The following TRIM68 variants were observed in gnomAD, a reference collection of about 807,000 sequenced individuals.
The protein encoded by TRIM68 is tripartite motif containing 68.
TRIM68 carries 36 observed loss-of-function variants against 41.9 expected under a neutral mutation model. The ratio of observed to expected loss-of-function variants is 0.86; its 90% CI spans 0.66 to 1.14. TRIM68 has a LOEUF of 1.14. Ranked by LOEUF, TRIM68 falls within the 50% of genes most tolerant of loss-of-function variation. TRIM68 has a pLI of 0.00. For missense variants in TRIM68, 632 were observed against 605.1 expected, an observed-to-expected ratio of 1.04 and a Z score of -0.47; for synonymous variants, 225 against 224.6, an observed-to-expected ratio of 1.00 and a Z score of -0.02.
At chr11:4,607,809 G>C (rs1243822011) in intron 1 of TRIM68, among the ~76,000 whole-genome samples, 1 of 152,228 alleles carries the variant, frequency 6.6e-6, no homozygotes, top group Non-Finnish European at 1.5e-5. Context: ...TACAGCGAGA[G>C]TCTGAGAAGG....
At chr11:4,603,620 T>C (rs760882064) in intron 2 of TRIM68, among the ~76,000 whole-genome samples, 3 of 152,232 alleles carry the variant, frequency 2.0e-5, no homozygotes, top group Non-Finnish European at 4.4e-5. Flanking sequence ...TTCCTTTCCA[T>C]GCCAATTTTT....
rs528432128 is a variant in TRIM68, at chr11:4,603,276, A to G, written c.491T>C (p.Val164Ala). 20 of 1,614,168 alleles carry G rather than the reference A, an allele frequency of 1.2e-5. No individual in the cohort carries two copies. The Admixed American group carries it at 3.3e-4, about 27-fold the overall frequency. ...GGTGGCAGTTCGTTTCCTTTCACCA[A>G]CTTCAAGCTTCCAGGCCTCTTCTTG... ...KEQEEAWKLE[V>A]GERKRTATWK... Residue 164 changes from valine to alanine, a missense_variant, in exon 3 of 7, where the codon GTT (valine) becomes GCT (alanine). Val to Ala is a moderately conservative substitution (Grantham distance 64). Coordinates refer to ENST00000300747, the MANE Select transcript of TRIM68 (RefSeq NM_018073.8).
chr11:4,600,839 G>A lies in TRIM68; in HGVS notation c.908-13C>T, dbSNP rs773006309. ...AAGCGCACATCAGCTAGAAGAAAAG[G>A]TCCTGGTTGGTAACAGTGATATAGG... On this transcript the variant is annotated splice_polypyrimidine_tract_variant and intron_variant, in intron 6 of 6. Transcript: ENST00000300747. 11 of 1,606,582 alleles carry A rather than the reference G, an allele frequency of 6.8e-6. No homozygotes were observed. The South Asian group carries it at 1.2e-4, about 18-fold the overall frequency.
At position 4,602,229 on chromosome 11, in the gene TRIM68, G is replaced by A. The variant is rs1846501682; in HGVS notation, c.706C>T (p.Gln236Ter). Residue 236 changes from glutamine to a stop codon, truncating the protein, a stop_gained, in exon 4 of 7, where the codon CAG becomes TAG. Coordinates refer to ENST00000300747, the MANE Select transcript of TRIM68 (RefSeq NM_018073.8). LOFTEE classifies it high-confidence loss of function. ...ATCCTCCACAGGACCTGGCTCTGCTGGATGAGCTCGCTATGGTTCAACTCC... is the reference window on the plus strand; with the variant it reads ...ATCCTCCACAGGACCTGGCTCTGCTAGATGAGCTCGCTATGGTTCAACTCC... ...KLELNHSELI[Q>*]QSQVLWRMIA... 1.2e-6 allele frequency: 2 copies of A among 1,614,198 alleles called. No homozygotes were observed. Among genetic ancestry groups the A allele is most frequent in the Non-Finnish European group, 1.7e-6 (2 of 1,180,042 alleles).
At position 4,600,695 on chromosome 11, in the gene TRIM68, C is replaced by G. The variant is rs765249252; in HGVS notation, c.1039G>C (p.Val347Leu). The G allele has an allele frequency of 1.2e-6, 2 of 1,614,102 alleles. No individual in the cohort carries two copies. The highest frequency in any genetic ancestry group is 1.7e-6 in the Non-Finnish European group (2 of 1,180,032). ...GAGGAGATGCACTGGCTTCCCAGGA[C>G]GATATTATAGCGGTAAAATCTCTCA... ...NPERFYRYNI[V>L]LGSQCISSGR... The change falls in exon 7 of 7, where the codon GTC becomes CTC. Residue 347 changes from valine to leucine, a missense_variant. Physicochemically the swap from Val to Leu is conservative, Grantham distance 32 (BLOSUM62 1). Transcript: ENST00000300747.
At chr11:4,603,364 A>G in intron 2 of TRIM68, 24 bp from the exon 3 acceptor site, 2 of 1,611,658 alleles carry the variant, frequency 1.2e-6, no homozygotes, top group Non-Finnish European at 1.7e-6. Flanking sequence ...AACCCTCATG[A>G]GGCCACCTCC....
In TRIM68 at chr11:4,602,165, C is replaced by T. The variant is rs760477471; in HGVS notation, c.770G>A (p.Arg257His). ...CCTACTACTCACCTGCAACATCCAG[C>T]GGACAGGCCTCTGCGACCTCTCTTT... is the stretch of plus-strand genomic sequence containing the variant. ...ELKERSQRPV[R>H]WMLQDIQEVL... The change falls in exon 4 of 7, where the codon CGC becomes CAC. Residue 257 changes from arginine (R) to histidine (H), a missense_variant. Coordinates refer to ENST00000300747, the MANE Select transcript of TRIM68 (RefSeq NM_018073.8). The T allele has an allele frequency of 9.9e-6, 16 of 1,614,064 alleles. No homozygotes were observed. The highest frequency in any genetic ancestry group is 5.3e-5 in the African/African-American group (4 of 74,924).
chr11:4,601,857 C>T, intron 4 of TRIM68, 171 bp from the exon 5 acceptor site: 1 of 887,072 alleles, frequency 1.1e-6, no homozygotes, highest in South Asian at 1.6e-5. Flanking sequence ...GCAGGCTGAG[C>T]TTTGGCTGAA....
At chr11:4,603,202 C>A (rs17314159) in intron 3 of TRIM68, 43 bp downstream of exon 3, 510,021 of 1,587,644 alleles carry the variant, frequency 0.32, 83,212 homozygotes, top group South Asian at 0.35. Flanking sequence ...CAGGACCACA[C>A]AGGACGACTG....
Position 4,598,919 on chromosome 11 carries a change from G to A in TRIM68, c.*1357C>T, listed in dbSNP as rs1846435801. ...CATGTGCAAAATCCACGGCTTGCCT[G>A]CCTCTATGCCTCAGACAGGAACAAA... is the stretch of plus-strand genomic sequence containing the variant. On this transcript the variant is annotated 3_prime_UTR_variant, in exon 7 of 7. Transcript: ENST00000300747. The A allele has an allele frequency of 6.6e-6, 1 of 152,186 alleles. No homozygotes were observed. The highest frequency in any genetic ancestry group is 2.4e-5 in the African/African-American group (1 of 41,454). 9.4% of individuals were successfully genotyped at this position (152,186 alleles called of 1,614,324 possible).
intron 4 of TRIM68, 51 bp from the exon 5 acceptor site, chr11:4,601,737 G>T: frequency 6.2e-7 from 1 of 1,604,570 alleles, no homozygotes; most frequent in Non-Finnish European, 8.5e-7. Context: ...ATTCCTCAGA[G>T]GGAACAGACA....
In TRIM68 at chr11:4,600,754, T is replaced by C. The variant is rs369031153; in HGVS notation, c.980A>G (p.Tyr327Cys). Residue 327 changes from tyrosine to cysteine, a missense_variant, in exon 7 of 7, where the codon TAT becomes TGT. Coordinates refer to ENST00000300747, the MANE Select transcript of TRIM68 (RefSeq NM_018073.8). ...IVSEDRKRVH[Y>C]GDTNQKLPDN... ...TGGCAGTTTCTGGTTGGTGTCTCCA[T>C]AGTGCACACGTTTTCTGTCCTCAGA... 13 of 1,614,048 alleles carry C rather than the reference T, an allele frequency of 8.1e-6. No homozygotes were observed. Among genetic ancestry groups the C allele is most frequent in the African/African-American group, 4.0e-5 (3 of 74,924 alleles).
intron 1 of TRIM68, among the ~76,000 whole-genome samples, 197 bp from the exon 2 acceptor site, chr11:4,605,758 A>G (rs1846560361): frequency 6.6e-6 from 1 of 152,036 alleles, no homozygotes; most frequent in Non-Finnish European, 1.5e-5. Context: ...CATGAAGGGG[A>G]TAATGGGGAT....
In TRIM68 at chr11:4,600,989, T is replaced by C. The variant is rs754978938; in HGVS notation, c.907+38A>G. On this transcript the variant is annotated intron_variant, in intron 6 of 6. Coordinates refer to ENST00000300747, the MANE Select transcript of TRIM68 (RefSeq NM_018073.8). ...ATTTTCTATCTCTGGGAGGGGTCCC[T>C]CCCACTGTCCACTACAGTCTCCCCC... is the stretch of plus-strand genomic sequence containing the variant. 1.9e-6 allele frequency: 3 copies of C among 1,601,660 alleles called. No homozygotes were observed. The African/African-American group carries it at 4.0e-5, about 21-fold the overall frequency.
Position 4,602,183 on chromosome 11 carries a change from C to G in TRIM68, c.752G>C (p.Arg251Thr). Residue 251 changes from arginine (R) to threonine (T), a missense_variant, in exon 4 of 7, where the codon AGG (arginine) becomes ACG (threonine). Arg to Thr is a moderately conservative substitution (Grantham distance 71). Coordinates refer to ENST00000300747, the MANE Select transcript of TRIM68 (RefSeq NM_018073.8). ...LWRMIAELKE[R>T]SQRPVRWMLQ... ...CATCCAGCGGACAGGCCTCTGCGAC[C>G]TCTCTTTCAACTCTGCAATCATCCT... 6.2e-7 allele frequency: 1 copy of G among 1,614,168 alleles called. No homozygotes were observed. Among genetic ancestry groups the G allele is most frequent in the Non-Finnish European group, 8.5e-7 (1 of 1,180,028 alleles).
At position 4,605,313 on chromosome 11, in the gene TRIM68, G is replaced by C; in HGVS notation, c.192C>G (p.Val64=). The change falls in exon 2 of 7, where the codon GTC becomes GTG. Residue 64 remains valine (V), a synonymous_variant. Coordinates refer to ENST00000300747, the MANE Select transcript of TRIM68 (RefSeq NM_018073.8). The part of the protein sequence containing the change: ...GYTCPLCRAP[V]QPRNLRPNWQ... The stretch of plus-strand genomic sequence containing the variant: ...AATTAGGCCGCAGGTTCCTTGGCTG[G>C]ACAGGAGCTCGACAGAGGGGACAGG... 2 of 1,614,244 alleles carry C rather than the reference G, an allele frequency of 1.2e-6. No homozygotes were observed. Among genetic ancestry groups the C allele is most frequent in the African/African-American group, 2.7e-5 (2 of 75,052 alleles).
At position 4,605,132 on chromosome 11, in the gene TRIM68, C is replaced by G. The variant is rs1846549122; in HGVS notation, c.373G>C (p.Glu125Gln). Residue 125 changes from glutamate (E) to glutamine (Q), a missense_variant, in exon 2 of 7, where the codon GAG becomes CAG. Coordinates refer to ENST00000300747, the MANE Select transcript of TRIM68 (RefSeq NM_018073.8). ...IMCEACSQSP[E>Q]HEAHSVVPME... ...GGCACAACACTGTGGGCCTCATGCT[C>G]TGGGGACTGGCTGCAGGCCTCACAC... 1 of 1,614,234 alleles carries G rather than the reference C, an allele frequency of 6.2e-7. No individual in the cohort carries two copies.
chr11:4,601,937 G>A lies in TRIM68; in HGVS notation c.783+215C>T, dbSNP rs1160963519. 7.6e-6 allele frequency: 6 copies of A among 786,604 alleles called. No homozygotes were observed. In the African/African-American group the frequency reaches 1.0e-4, roughly 14 times the overall value. The allele number at this position is 786,604 out of a possible 1,614,324, so 48.7% of individuals were successfully genotyped here. A position where few individuals can be genotyped will look rare whatever the true frequency, so the allele number is the denominator to read the frequency against. ...GAGGGCCTGGAATGACGCCAGAGCT[G>A]CCTGAGCACTGCCCCACCTATGATG... is the stretch of plus-strand genomic sequence containing the variant. On this transcript the variant is annotated intron_variant, in intron 4 of 6. Transcript: ENST00000300747.
At chr11:4,601,475 A>G in intron 5 of TRIM68, 189 bp downstream of exon 5, 1 of 624,522 alleles carries the variant, frequency 1.6e-6, no homozygotes, top group East Asian at 2.7e-5. Context: ...CATTTGATCA[A>G]GTACAAAGAA....
Sources: gnomAD v4.1 joint callset for allele counts (sites outside exome capture counted in the v4.1 genomes callset) on GRCh38, gnomAD v4.1.1 for gene constraint, MANE v1.5 for transcripts, NCBI Gene and HGNC (gene_info 2026-07-23, HGNC 2026-07-21) for gene names.